The following SCN1A variants were observed in gnomAD, a reference collection of about 807,000 sequenced individuals.
The protein encoded by SCN1A is sodium channel protein type 1 subunit alpha.
Under a neutral mutation model 193.7 loss-of-function variants are expected in SCN1A, and 13 were observed. That is an observed-to-expected ratio of 0.07 (90% CI 0.04 to 0.11). SCN1A has a LOEUF of 0.11. Ranked by LOEUF, SCN1A falls within the 10% of genes least tolerant of loss-of-function variation. The pLI, the probability that SCN1A is intolerant of heterozygous loss-of-function variation, is 1.00. For missense variants in SCN1A, 1,432 were observed against 2,451.1 expected (o/e 0.58, Z 8.78); for synonymous variants, 781 against 843.6 (o/e 0.93, Z 1.29).
At chr2:166,015,120 G>A (rs1023691508) in intron 20 of SCN1A, among the ~76,000 whole-genome samples, 1 of 151,812 alleles carries the variant, frequency 6.6e-6, no homozygotes, top group Admixed American at 6.6e-5. Context: ...TGCCCATACT[G>A]CACCAGGCTC....
intron 4 of SCN1A, among the ~76,000 whole-genome samples, chr2:166,063,874 A>G (rs998777512): frequency 6.6e-6 from 1 of 152,090 alleles, no homozygotes; most frequent in Non-Finnish European, 1.5e-5. Context: ...TTACACTTAC[A>G]TATTTCAAAT....
chr2:166,143,892 G>A lies in SCN1A; in HGVS notation c.-50+5155C>T, dbSNP rs76799909. ...GAGTATTCACTTTAAGACTAAAGAGGGAAGTGACTTTGTGATCCAGGTTTG... is the reference window on the plus strand; with the variant it reads ...GAGTATTCACTTTAAGACTAAAGAGAGAAGTGACTTTGTGATCCAGGTTTG... On this transcript the variant is annotated intron_variant, in intron 1 of 26. Transcript: ENST00000635750. 6.8e-3 allele frequency among the ~76,000 whole-genome samples: 1,037 copies of A among 152,288 alleles called. 9 individuals are homozygous for A. Among genetic ancestry groups the A allele is most frequent in the African/African-American group, 0.023 (973 of 41,548 alleles).
intron 1 of SCN1A, among the ~76,000 whole-genome samples, chr2:166,139,110 T>C (rs1160195083): frequency 6.6e-6 from 1 of 152,166 alleles, no homozygotes; most frequent in African/African-American, 2.4e-5. Context: ...GTAACTAACT[T>C]GCTATTGATT....
At position 166,047,582 on chromosome 2, in the gene SCN1A, T is replaced by C. The variant is rs931435084; in HGVS notation, c.1170+45A>G. Reference sequence around the variant, plus strand: ...AATTTCATAACTCAATTGGTTTTCTTGTATACTTTTACTTAAATGGAGAGT... The same window carrying C: ...AATTTCATAACTCAATTGGTTTTCTCGTATACTTTTACTTAAATGGAGAGT... On this transcript the variant is annotated intron_variant, in intron 11 of 28. Transcript: ENST00000674923. 2.5e-6 allele frequency: 4 copies of C among 1,604,850 alleles called. No homozygotes were observed. In the African/African-American group the frequency reaches 5.4e-5, roughly 21 times the overall value.
chr2:166,085,493 A>C (rs1559305767), intron 2 of SCN1A, among the ~76,000 whole-genome samples: 1 of 152,172 alleles, frequency 6.6e-6, no homozygotes, highest in South Asian at 2.1e-4. Flanking sequence ...GCTCAAAAGC[A>C]TTCTTATGAA....
chr2:166,045,421 T>C, intron 12 of SCN1A, 94 bp from the exon 13 acceptor site: 1 of 1,351,918 alleles, frequency 7.4e-7, no homozygotes, highest in East Asian at 2.3e-5. Flanking sequence ...TTAAAAAATA[T>C]ATTGAACTGA....
At chr2:166,082,026 A>C (rs1685583445) in intron 2 of SCN1A, among the ~76,000 whole-genome samples, 1 of 152,068 alleles carries the variant, frequency 6.6e-6, no homozygotes, top group Non-Finnish European at 1.5e-5. Flanking sequence ...GAACAGTGTT[A>C]GTCTATAATA....
intron 9 of SCN1A, among the ~76,000 whole-genome samples, chr2:166,051,464 A>C (rs1335011872): frequency 6.6e-6 from 1 of 152,040 alleles, no homozygotes; most frequent in East Asian, 1.9e-4. Flanking sequence ...AAAAGACCAA[A>C]TATACATGAT....
chr2:165,984,953 C>T (rs1162089540), downstream of SCN1A: 7 of 152,126 alleles, frequency 4.6e-5, no homozygotes, highest in Non-Finnish European at 8.8e-5. Flanking sequence ...CCATAAATAT[C>T]ACTGGGACCT....
chr2:166,102,234 C>T (rs908491429), intron 2 of SCN1A, among the ~76,000 whole-genome samples: 12 of 152,158 alleles, frequency 7.9e-5, no homozygotes, highest in Admixed American at 3.3e-4. Context: ...CGGTGACTCG[C>T]GCCTGCAATC....
chr2:166,082,447 C>G (rs1010503270), intron 2 of SCN1A, among the ~76,000 whole-genome samples: 11 of 151,394 alleles, frequency 7.3e-5, no homozygotes, highest in Admixed American at 4.0e-4. Context: ...TTTATCTACT[C>G]TAATTGATCT....
intron 2 of SCN1A, among the ~76,000 whole-genome samples, chr2:166,097,046 G>T (rs1441889205): frequency 6.6e-6 from 1 of 151,296 alleles, no homozygotes; most frequent in Admixed American, 6.6e-5. Flanking sequence ...TTTGGAGACG[G>T]GGTCAGGCTC....
chr2:166,010,801 A>T (rs895193284), intron 22 of SCN1A, among the ~76,000 whole-genome samples: 8 of 151,086 alleles, frequency 5.3e-5, no homozygotes, highest in Admixed American at 2.7e-4. Context: ...TGCTATACTG[A>T]TCTTCATTAA....
intron 23 of SCN1A, among the ~76,000 whole-genome samples, chr2:166,007,049 A>C (rs1256801861): frequency 6.7e-6 from 1 of 150,374 alleles, no homozygotes; most frequent in Non-Finnish European, 1.5e-5. Context: ...GGGTAAATTC[A>C]TAAAGGTTTT....
At chr2:166,023,135 A>C (rs1694286415) in intron 19 of SCN1A, among the ~76,000 whole-genome samples, 1 of 152,256 alleles carries the variant, frequency 6.6e-6, no homozygotes, top group Admixed American at 6.5e-5. Flanking sequence ...TGGTCATTTT[A>C]TTTGCATATA....
At chr2:166,021,208 G>A (rs1450278965) in intron 19 of SCN1A, among the ~76,000 whole-genome samples, 1 of 152,092 alleles carries the variant, frequency 6.6e-6, no homozygotes, top group Non-Finnish European at 1.5e-5. Context: ...AATAACATCA[G>A]AAAAAGTGAC....
At chr2:166,054,166 C>T (rs886829240) in intron 7 of SCN1A, among the ~76,000 whole-genome samples, 17 of 152,008 alleles carry the variant, frequency 1.1e-4, no homozygotes, top group South Asian at 1.0e-3. Flanking sequence ...TTTGTCAGAT[C>T]GTTTTGATGC....
chr2:166,073,481 A>G lies in SCN1A; in HGVS notation c.141T>C (p.Asn47=), dbSNP rs377274282. 3.1e-6 allele frequency: 5 copies of G among 1,614,066 alleles called. No individual in the cohort carries two copies. The highest frequency in any genetic ancestry group is 1.6e-4 in the Middle Eastern group (1 of 6,062). ...CCAAGTCACTATTTGGCTTTGGGCC[A>G]TTTTCGTCGTCATCTTTTTTGTCTG... ...PKPDKKDDDE[N]GPKPNSDLEA... Residue 47 remains asparagine, a synonymous_variant, in exon 4 of 29, where the codon AAT becomes AAC. Transcript: ENST00000674923.
At chr2:166,039,636 T>C (rs1235267645) in intron 16 of SCN1A, 40 bp from the exon 17 acceptor site, 1 of 1,525,840 alleles carries the variant, frequency 6.6e-7, no homozygotes, top group Non-Finnish European at 9.1e-7. Context: ...CACCAGATAA[T>C]AACATACATG....
Sources: allele counts gnomAD v4.1 joint callset (sites outside exome capture counted in the v4.1 genomes callset), GRCh38; gene constraint gnomAD v4.1.1; transcripts MANE v1.5; gene names NCBI Gene and HGNC (gene_info 2026-07-23, HGNC 2026-07-21).